Variants in ELMO1 observed in about 807,000 individuals in gnomAD.
The protein encoded by ELMO1 is engulfment and cell motility 1.
Under a neutral mutation model 98.9 loss-of-function variants are expected in ELMO1, and 26 were observed. The observed-to-expected ratio is 0.26, with a 90% CI of 0.19 to 0.36. The LOEUF is 0.36. Ranked by LOEUF, ELMO1 falls within the 10% of genes least tolerant of loss-of-function variation. The pLI is 1.00. For synonymous variants in ELMO1, 346 were observed against 346.0 expected (o/e 1.00, Z 0.00); for missense variants, 627 against 935.2 (o/e 0.67, Z 4.30).
intron 17 of ELMO1, among the ~76,000 whole-genome samples, chr7:36,888,076 G>A (rs764819354): frequency 5.3e-4 from 81 of 152,136 alleles, no homozygotes; most frequent in Middle Eastern, 3.2e-3. Context: ...TTTGTGATCT[G>A]ATTAAACAGG....
chr7:37,088,923 G>A (rs898305126), intron 15 of ELMO1, among the ~76,000 whole-genome samples: 3 of 152,110 alleles, frequency 2.0e-5, no homozygotes, highest in Non-Finnish European at 2.9e-5. Flanking sequence ...AGAGTAGAAC[G>A]TGAAAATTCA....
intron 14 of ELMO1, among the ~76,000 whole-genome samples, chr7:37,123,623 T>G (rs957585430): frequency 1.1e-4 from 17 of 152,078 alleles, no homozygotes; most frequent in Admixed American, 2.6e-4. Flanking sequence ...AATAACAGGC[T>G]CTGAAATTGA....
intron 1 of ELMO1, among the ~76,000 whole-genome samples, chr7:37,349,343 T>G (rs1801153611): frequency 6.6e-6 from 1 of 152,198 alleles, no homozygotes; most frequent in East Asian, 1.9e-4. Context: ...CATTTTCCCC[T>G]TGCATTAGGT....
intron 16 of ELMO1, chr7:36,986,642 C>A (rs1312230913): frequency 6.6e-6 from 1 of 152,158 alleles, no homozygotes; most frequent in Non-Finnish European, 1.5e-5. Context: ...TAATCAACTG[C>A]AATCTCATCT....
At chr7:37,007,870 T>C (rs1205222454) in intron 16 of ELMO1, among the ~76,000 whole-genome samples, 1 of 152,154 alleles carries the variant, frequency 6.6e-6, no homozygotes, top group East Asian at 1.9e-4. Context: ...TTTTCTCCCA[T>C]TGACTCGGTT....
At chr7:37,386,135 G>A (rs751447039) in intron 1 of ELMO1, among the ~76,000 whole-genome samples, 1 of 152,228 alleles carries the variant, frequency 6.6e-6, no homozygotes, top group Non-Finnish European at 1.5e-5. Flanking sequence ...CCTGGAGCTG[G>A]TTCCTTGAGG....
intron 16 of ELMO1, among the ~76,000 whole-genome samples, chr7:37,006,785 C>T (rs777761441): frequency 2.2e-4 from 33 of 152,192 alleles, no homozygotes; most frequent in Non-Finnish European, 3.2e-4. Flanking sequence ...GCTTCCCTGA[C>T]TTGGCCAGGG....
intron 1 of ELMO1, among the ~76,000 whole-genome samples, chr7:37,390,718 G>T (rs1583672543): frequency 6.6e-6 from 1 of 152,148 alleles, no homozygotes; most frequent in East Asian, 1.9e-4. Flanking sequence ...GGAAACCAAG[G>T]CTCCGCTCTT....
chr7:37,096,903 C>G (rs1226681237), intron 14 of ELMO1, among the ~76,000 whole-genome samples, 176 bp from the exon 15 acceptor site: 2 of 152,048 alleles, frequency 1.3e-5, no homozygotes, highest in African/African-American at 4.8e-5. Context: ...TCTCATTTAT[C>G]CCCCCCAAAT....
At chr7:37,021,600 G>A (rs537949427) in intron 15 of ELMO1, among the ~76,000 whole-genome samples, 10 of 151,542 alleles carry the variant, frequency 6.6e-5, no homozygotes, top group Non-Finnish European at 1.3e-4. Flanking sequence ...AAATGTTGAC[G>A]TCACTATTTA....
chr7:36,867,792 T>C (rs1803148354), intron 20 of ELMO1, among the ~76,000 whole-genome samples: 1 of 152,154 alleles, frequency 6.6e-6, no homozygotes, highest in South Asian at 2.1e-4. Flanking sequence ...GTTGTTAAAT[T>C]TCCAAACATT....
chr7:37,348,309 G>A (rs1801106310), intron 1 of ELMO1, among the ~76,000 whole-genome samples: 1 of 152,088 alleles, frequency 6.6e-6, no homozygotes, highest in African/African-American at 2.4e-5. Flanking sequence ...ACCATTAAAG[G>A]GAGAAACAAA....
intron 13 of ELMO1, among the ~76,000 whole-genome samples, chr7:37,160,541 A>C (rs775641666): frequency 6.6e-6 from 1 of 152,118 alleles, no homozygotes; most frequent in Admixed American, 6.5e-5. Flanking sequence ...TCATGCTGTC[A>C]GACAGAACAG....
At chr7:37,013,469 T>C (rs1362631507) in intron 15 of ELMO1, 34 bp from the exon 16 acceptor site, 1 of 1,610,288 alleles carries the variant, frequency 6.2e-7, no homozygotes. Flanking sequence ...AGAGAAAAAG[T>C]TTTAAAACAG....
chr7:37,002,273 A>G (rs1156774507), intron 16 of ELMO1: 1 of 152,246 alleles, frequency 6.6e-6, no homozygotes, highest in Non-Finnish European at 1.5e-5. Context: ...ACATCCATGC[A>G]CATCTCAACT....
intron 13 of ELMO1, among the ~76,000 whole-genome samples, chr7:37,204,616 T>A (rs915195400): frequency 6.6e-6 from 1 of 152,044 alleles, no homozygotes; most frequent in Non-Finnish European, 1.5e-5. Context: ...GGTGGCCTGC[T>A]TTTTTTTCCC....
intron 16 of ELMO1, among the ~76,000 whole-genome samples, chr7:36,972,401 T>C (rs530073168): frequency 6.6e-6 from 1 of 152,342 alleles, no homozygotes; most frequent in African/African-American, 2.4e-5. Context: ...TCTATCAGTT[T>C]GCTAGGACTG....
intron 14 of ELMO1, among the ~76,000 whole-genome samples, chr7:37,112,801 A>G (rs1470357072): frequency 1.3e-5 from 2 of 152,216 alleles, no homozygotes; most frequent in Non-Finnish European, 2.9e-5. Flanking sequence ...GACAATGTCA[A>G]CCACTACTGG....
At position 37,390,120 on chromosome 7, in the gene ELMO1, T is replaced by C. The variant is rs117497830; in HGVS notation, c.-73-47357A>G. ...AGCAGCAAGTTGTAAAACTGCACCA[T>C]GGACGTAAAAATGCAGACTTTTTAA... is the stretch of plus-strand genomic sequence containing the variant. On this transcript the variant is annotated intron_variant, in intron 1 of 21. Coordinates refer to ENST00000310758, the MANE Select transcript of ELMO1 (RefSeq NM_014800.11). Among the ~76,000 whole-genome samples the C allele has an allele frequency of 4.6e-5, 7 of 152,242 alleles. No homozygotes were observed. The East Asian group carries it at 9.7e-4, about 21-fold the overall frequency.
Sources: gnomAD v4.1 joint callset for allele counts (sites outside exome capture counted in the v4.1 genomes callset) on GRCh38, gnomAD v4.1.1 for gene constraint, MANE v1.5 for transcripts, NCBI Gene and HGNC (gene_info 2026-07-23, HGNC 2026-07-21) for gene names.